SMCHD1: variants seen among roughly 807,000 people sequenced by gnomAD.
SMCHD1 encodes the protein structural maintenance of chromosomes flexible hinge domain-containing protein 1.
A neutral mutation model predicts 254.7 loss-of-function variants in SMCHD1; 78 were observed. The ratio of observed to expected loss-of-function variants is 0.31; its 90% CI spans 0.26 to 0.37. The LOEUF (loss-of-function observed/expected upper bound fraction) is 0.37, where lower values mean the gene tolerates loss of function less well. SMCHD1 is among the 10% of genes least tolerant of loss of function. The pLI, the probability that SMCHD1 is intolerant of heterozygous loss-of-function variation, is 1.00. For missense variants in SMCHD1, 1,840 were observed against 2,408.1 expected, an observed-to-expected ratio of 0.76 and a Z score of 4.94; for synonymous variants, 766 against 794.9, an observed-to-expected ratio of 0.96 and a Z score of 0.61.
intron 7 of SMCHD1, among the ~76,000 whole-genome samples, chr18:2,689,946 C>T (rs1180861865): frequency 6.6e-6 from 1 of 151,286 alleles, no homozygotes; most frequent in East Asian, 1.9e-4. Flanking sequence ...ATCACTTGAG[C>T]CCAGCTGCAA....
chr18:2,661,429 G>A (rs112594871), intron 1 of SMCHD1, among the ~76,000 whole-genome samples: 132 of 147,228 alleles, frequency 9.0e-4, no homozygotes, highest in African/African-American at 3.4e-3. Context: ...TTAGAAATCT[G>A]TGGGTTTTTA....
chr18:2,712,352 G>A (rs2074698059), intron 17 of SMCHD1, among the ~76,000 whole-genome samples: 1 of 151,542 alleles, frequency 6.6e-6, no homozygotes, highest in Admixed American at 6.6e-5. Flanking sequence ...GAAAAGGATT[G>A]GTGTTTCCAT....
At chr18:2,779,937 C>A in intron 44 of SMCHD1, among the ~76,000 whole-genome samples, 1 of 152,136 alleles carries the variant, frequency 6.6e-6, no homozygotes, top group Non-Finnish European at 1.5e-5. Context: ...CTTTGGGCCT[C>A]GTTAAGAAGC....
rs559840830 is a variant in SMCHD1, at chr18:2,687,709, C to T, written c.639-685C>T. On this transcript the variant is annotated intron_variant, in intron 5 of 47. Transcript: ENST00000320876. ...TCCTTTGGTCATTTATGTCTTTTAA[C>T]GCCACTTTGATATTTTCAGTTTTCT... Among the ~76,000 whole-genome samples, 9 of 152,124 alleles carry T rather than the reference C, an allele frequency of 5.9e-5. 1 individual carries two copies. The highest frequency in any genetic ancestry group is 1.0e-4 in the Non-Finnish European group (7 of 68,000).
At chr18:2,721,553 T>C (rs2074928329) in intron 19 of SMCHD1, among the ~76,000 whole-genome samples, 1 of 152,122 alleles carries the variant, frequency 6.6e-6, no homozygotes, top group East Asian at 1.9e-4. Context: ...GTAGTGCTTT[T>C]TGGGGAAAAA....
At chr18:2,669,037 G>A (rs897191257) in intron 3 of SMCHD1, among the ~76,000 whole-genome samples, 43 of 144,060 alleles carry the variant, frequency 3.0e-4, no homozygotes, top group African/African-American at 1.1e-3. Context: ...ACCATGCCCA[G>A]CTAATTAAAA....
At chr18:2,662,911 C>A (rs1422062346) in intron 1 of SMCHD1, among the ~76,000 whole-genome samples, 1 of 151,360 alleles carries the variant, frequency 6.6e-6, no homozygotes, top group Admixed American at 6.6e-5. Context: ...TAATTACTTT[C>A]TTTATGTTTG....
At chr18:2,697,647 T>C (rs547868944) in intron 9 of SMCHD1, among the ~76,000 whole-genome samples, 184 bp from the exon 10 acceptor site, 6 of 152,376 alleles carry the variant, frequency 3.9e-5, no homozygotes, top group African/African-American at 1.4e-4. Context: ...TTTAGTAGTA[T>C]GTTCCTTATT....
At chr18:2,752,908 T>G in intron 34 of SMCHD1, 1 of 188,282 alleles carries the variant, frequency 5.3e-6, no homozygotes, top group Non-Finnish European at 1.1e-5. Context: ...TGCTTCATTC[T>G]GGACCTCCAT....
chr18:2,705,657 A>T, intron 13 of SMCHD1, 37 bp from the exon 14 acceptor site: 1 of 1,058,626 alleles, frequency 9.4e-7, no homozygotes, highest in Non-Finnish European at 1.4e-6. Context: ...AAATCTTAAT[A>T]CTGAAGCTTT....
chr18:2,708,157 G>C (rs916426243), intron 17 of SMCHD1, among the ~76,000 whole-genome samples: 1 of 151,712 alleles, frequency 6.6e-6, no homozygotes, highest in African/African-American at 2.4e-5. Flanking sequence ...CTAAAGTAAA[G>C]GCATGATACA....
intron 5 of SMCHD1, among the ~76,000 whole-genome samples, chr18:2,686,470 A>G (rs1335147665): frequency 1.3e-5 from 2 of 152,188 alleles, no homozygotes; most frequent in South Asian, 2.1e-4. Flanking sequence ...ACCAGCTTGC[A>G]TCGTTTATAA....
chr18:2,698,117 A>T, intron 10 of SMCHD1, 76 bp downstream of exon 10: 1 of 1,185,104 alleles, frequency 8.4e-7, no homozygotes, highest in Non-Finnish European at 1.2e-6. Context: ...CTAAATGATT[A>T]TCGGTTGGGT....
chr18:2,759,506 TACAGCTG>T (rs2075745225), intron 34 of SMCHD1, among the ~76,000 whole-genome samples: 3 of 144,484 alleles, frequency 2.1e-5, no homozygotes, highest in Non-Finnish European at 4.5e-5. Context: ...TTTTTTTTTG[TACAGCTG>T]TTTTCATCAT....
At chr18:2,673,134 T>A in intron 3 of SMCHD1, 147 bp from the exon 4 acceptor site, 2 of 1,294,996 alleles carry the variant, frequency 1.5e-6, no homozygotes, top group Non-Finnish European at 2.0e-6. Context: ...ATGATGCCTT[T>A]ATTATGTATT....
chr18:2,669,391 G>A (rs1177079028), intron 3 of SMCHD1, among the ~76,000 whole-genome samples: 1 of 152,132 alleles, frequency 6.6e-6, no homozygotes, highest in Non-Finnish European at 1.5e-5. Context: ...TAGAGATGGA[G>A]TCTCACTATG....
At chr18:2,772,416 T>C (rs201586927) in intron 41 of SMCHD1, 44 bp downstream of exon 41, 19 of 1,459,096 alleles carry the variant, frequency 1.3e-5, no homozygotes, top group African/African-American at 1.5e-5. Flanking sequence ...CATTTTATTA[T>C]CTTGTTTGTT....
intron 13 of SMCHD1, among the ~76,000 whole-genome samples, chr18:2,705,290 A>G (rs372962872): frequency 1.3e-5 from 2 of 152,166 alleles, no homozygotes; most frequent in East Asian, 3.8e-4. Flanking sequence ...ATGATAGGCA[A>G]GTTTTGAGCT....
intron 27 of SMCHD1, 83 bp downstream of exon 27, chr18:2,739,603 C>G: frequency 9.7e-7 from 1 of 1,032,690 alleles, no homozygotes; most frequent in Non-Finnish European, 1.5e-6. Context: ...GATACCTAAT[C>G]TGAAAGGAAA....
Sources: allele counts gnomAD v4.1 joint callset (sites outside exome capture counted in the v4.1 genomes callset), GRCh38; gene constraint gnomAD v4.1.1; transcripts MANE v1.5; gene names NCBI Gene and HGNC (gene_info 2026-07-23, HGNC 2026-07-21).